Variants in PTTG1IP observed in about 807,000 individuals in gnomAD.
The protein encoded by PTTG1IP is PTTG1 interacting protein.
A neutral mutation model predicts 24.4 loss-of-function variants in PTTG1IP; 16 were observed. That is an observed-to-expected ratio of 0.66 (90% CI 0.44 to 1.00). The LOEUF is 1.00. PTTG1IP is among the 50% of genes least tolerant of loss of function. PTTG1IP has a pLI of 0.00. For synonymous variants in PTTG1IP, 89 were observed against 96.8 expected, an observed-to-expected ratio of 0.92 and a Z score of 0.47; for missense variants, 241 against 245.8, an observed-to-expected ratio of 0.98 and a Z score of 0.13.
chr21:44,866,913 A>G (rs2083546411), intron 1 of PTTG1IP, among the ~76,000 whole-genome samples: 1 of 152,216 alleles, frequency 6.6e-6, no homozygotes. Context: ...ATTTGCAAAG[A>G]AGGTCTGGCA....
At chr21:44,861,112 T>C (rs1001480426) in intron 3 of PTTG1IP, 51 bp downstream of exon 3, 4 of 1,538,280 alleles carry the variant, frequency 2.6e-6, no homozygotes, top group Middle Eastern at 3.4e-4. Flanking sequence ...CATACTACTA[T>C]TTTCAAAGAA....
At chr21:44,870,540 A>AAAAAAAAAG (rs1569328086) in intron 1 of PTTG1IP, among the ~76,000 whole-genome samples, 1 of 144,750 alleles carries the variant, frequency 6.9e-6, no homozygotes, top group African/African-American at 2.6e-5. Flanking sequence ...AAAAAAAAAA[A>AAAAAAAAAG]AAAAAAAAGA....
At chr21:44,867,301 T>C (rs967424611) in intron 1 of PTTG1IP, among the ~76,000 whole-genome samples, 1 of 152,082 alleles carries the variant, frequency 6.6e-6, no homozygotes, top group Non-Finnish European at 1.5e-5. Flanking sequence ...CATGGATGAG[T>C]CTGAAGCACA....
chr21:44,869,533 C>T (rs954143501), intron 1 of PTTG1IP, among the ~76,000 whole-genome samples: 4 of 152,174 alleles, frequency 2.6e-5, no homozygotes, highest in Non-Finnish European at 5.9e-5. Flanking sequence ...TCCTGGCCTC[C>T]GGCAATCCTC....
intron 3 of PTTG1IP, 149 bp from the exon 4 acceptor site, chr21:44,856,513 T>C (rs1032707886): frequency 1.8e-5 from 16 of 866,492 alleles, no homozygotes; most frequent in Admixed American, 2.9e-5. Flanking sequence ...TCCTGGCGTG[T>C]GGAGAGCCTG....
At chr21:44,854,580 G>T (rs139244916) in intron 5 of PTTG1IP, among the ~76,000 whole-genome samples, 1 of 152,376 alleles carries the variant, frequency 6.6e-6, no homozygotes, top group African/African-American at 2.4e-5. Flanking sequence ...GTGGTGTTCA[G>T]TGTTAAGCAG....
Position 44,856,211 on chromosome 21 carries a change from C to T in PTTG1IP, c.431G>A (p.Arg144Gln), listed in dbSNP as rs143122508. 45 of 1,614,168 alleles carry T rather than the reference C, an allele frequency of 2.8e-5. No homozygotes were observed. The African/African-American group carries it at 3.3e-4, about 12-fold the overall frequency. ...ACCTCACCGTTCCTCCTGCCGTATC[C>T]GCCTCTCCTCCCGCTCACGCATGGC... ...EKAMREREERRIRQEERRAEM... is the reference protein window; with the variant it reads ...EKAMREREERQIRQEERRAEM... The change falls in exon 4 of 6, where the codon CGG becomes CAG. Residue 144 changes from arginine (R) to glutamine (Q), a missense_variant. Physicochemically the swap from Arg to Gln is conservative, Grantham distance 43. Coordinates refer to ENST00000330938, the MANE Select transcript of PTTG1IP (RefSeq NM_004339.4).
chr21:44,864,649 G>A (rs552022572), intron 2 of PTTG1IP, among the ~76,000 whole-genome samples: 120 of 152,188 alleles, frequency 7.9e-4, no homozygotes, highest in Non-Finnish European at 1.2e-3. Context: ...CACCTGCCTC[G>A]GCCTCCCAAA....
At chr21:44,862,212 A>G (rs976573015) in intron 2 of PTTG1IP, among the ~76,000 whole-genome samples, 7 of 152,220 alleles carry the variant, frequency 4.6e-5, no homozygotes, top group Non-Finnish European at 8.8e-5. Flanking sequence ...CAGATGGCAC[A>G]GGAAGGGGTG....
Position 44,863,296 on chromosome 21 carries a change from G to T in PTTG1IP, c.169-2025C>A, listed in dbSNP as rs1004278121. On this transcript the variant is annotated intron_variant, in intron 2 of 5. Coordinates refer to ENST00000330938, the MANE Select transcript of PTTG1IP (RefSeq NM_004339.4). The stretch of plus-strand genomic sequence containing the variant: ...AACACAGAGACACACAGCCCGCCAC[G>T]GCCTCAGGAGCGTGGACACAGCCCA... 9.4e-5 allele frequency among the ~76,000 whole-genome samples: 13 copies of T among 138,414 alleles called. 1 individual carries two copies. The highest frequency in any genetic ancestry group is 1.6e-5 in the Non-Finnish European group (1 of 63,608). The allele number at this position is 138,414 out of a possible 152,430, so 90.8% of individuals were successfully genotyped here. A position where few individuals can be genotyped will look rare whatever the true frequency, so the allele number is the denominator to read the frequency against.
intron 3 of PTTG1IP, 50 bp from the exon 4 acceptor site, chr21:44,856,414 C>T (rs1004424547): frequency 9.0e-6 from 14 of 1,558,384 alleles, no homozygotes; most frequent in East Asian, 2.2e-5. Flanking sequence ...ACAGAACCCA[C>T]CCAGCACAGC....
chr21:44,859,737 A>C (rs1601248752), intron 3 of PTTG1IP, among the ~76,000 whole-genome samples: 1 of 151,584 alleles, frequency 6.6e-6, no homozygotes, highest in African/African-American at 2.4e-5. Context: ...CACCACCACC[A>C]CCCCCTGCCA....
intron 1 of PTTG1IP, among the ~76,000 whole-genome samples, chr21:44,868,814 C>T (rs747094529): frequency 6.6e-6 from 1 of 152,220 alleles, no homozygotes; most frequent in Non-Finnish European, 1.5e-5. Flanking sequence ...CCGAAGATGC[C>T]AAGTCCACTG....
rs1252168496 is a variant in PTTG1IP at position 44,873,624 on chromosome 21, C to T, written c.-8G>A. On this transcript the variant is annotated 5_prime_UTR_variant, in exon 1 of 6. Transcript: ENST00000330938. ...GGCCACTCCGGGCGCCATGGTCGGC[C>T]GGTCGCTCTATCAGTCAGTGGAGCG... 19 of 1,422,428 alleles carry T rather than the reference C, an allele frequency of 1.3e-5. No homozygotes were observed. Among genetic ancestry groups the T allele is most frequent in the Non-Finnish European group, 1.7e-5 (19 of 1,090,060 alleles). The allele number at this position is 1,422,428 out of a possible 1,614,324, so 88.1% of individuals were successfully genotyped here.
intron 3 of PTTG1IP, among the ~76,000 whole-genome samples, chr21:44,858,088 A>G (rs2146457744): frequency 6.6e-6 from 1 of 152,356 alleles, no homozygotes; most frequent in East Asian, 1.9e-4. Context: ...TGCTGATTCC[A>G]TAGGGTAAAA....
Position 44,868,957 on chromosome 21 carries a change from C to T in PTTG1IP, c.116-3510G>A, listed in dbSNP as rs149104297. ...ACTTCCAAGAGATCAGTTATCTCCA[C>T]CATAACCCAGAACAACATGATGATG... On this transcript the variant is annotated intron_variant, in intron 1 of 5. Coordinates refer to ENST00000330938, the MANE Select transcript of PTTG1IP (RefSeq NM_004339.4). Among the ~76,000 whole-genome samples the T allele has an allele frequency of 5.9e-5, 9 of 152,322 alleles. No homozygotes were observed. The East Asian group carries it at 1.5e-3, about 26-fold the overall frequency.
At chr21:44,873,448 G>C (rs1022963644) in intron 1 of PTTG1IP, 54 bp downstream of exon 1, 53 of 1,314,524 alleles carry the variant, frequency 4.0e-5, no homozygotes, top group Admixed American at 8.5e-5. Flanking sequence ...CCCCGACCTG[G>C]ACCCACCAGC....
At chr21:44,861,730 C>T (rs1344665031) in intron 2 of PTTG1IP, 2 of 716,990 alleles carry the variant, frequency 2.8e-6, no homozygotes, top group South Asian at 3.0e-5. Context: ...CTCCTCACCT[C>T]CTGTGAGGTT....
intron 1 of PTTG1IP, among the ~76,000 whole-genome samples, chr21:44,868,272 G>A (rs140314228): frequency 9.3e-4 from 142 of 152,274 alleles, no homozygotes; most frequent in East Asian, 9.7e-4. Context: ...GCTGATGGTG[G>A]GCAAAGACCC....
Sources: allele counts gnomAD v4.1 joint callset (sites outside exome capture counted in the v4.1 genomes callset), GRCh38; gene constraint gnomAD v4.1.1; transcripts MANE v1.5; gene names NCBI Gene and HGNC (gene_info 2026-07-23, HGNC 2026-07-21).